Variants in CDA observed in about 807,000 individuals in gnomAD.
CDA encodes cytidine aminohydrolase.
A neutral mutation model predicts 15.0 loss-of-function variants in CDA; 7 were observed. The observed-to-expected ratio is 0.47, with a 90% CI of 0.26 to 0.87. The LOEUF is 0.87. CDA is among the 40% of genes least tolerant of loss of function. The pLI, the probability that CDA is intolerant of heterozygous loss-of-function variation, is 0.15. For synonymous variants in CDA, 58 were observed against 73.0 expected, an observed-to-expected ratio of 0.79 and a Z score of 1.05; for missense variants, 159 against 182.7, an observed-to-expected ratio of 0.87 and a Z score of 0.75.
intron 1 of CDA, among the ~76,000 whole-genome samples, chr1:20,589,838 C>T (rs564528185): frequency 2.0e-5 from 3 of 152,112 alleles, no homozygotes; most frequent in Non-Finnish European, 2.9e-5. Context: ...AGGGTGGTGA[C>T]GTGTTTGTCG....
intron 2 of CDA, among the ~76,000 whole-genome samples, chr1:20,608,961 G>A (rs1454367500): frequency 3.9e-5 from 6 of 152,180 alleles, no homozygotes; most frequent in Non-Finnish European, 7.3e-5. Flanking sequence ...TAGCACAGAG[G>A]CTGGCACACA....
At position 20,613,823 on chromosome 1, in the gene CDA, T is replaced by G; in HGVS notation, c.267-19T>G. On this transcript the variant is annotated intron_variant, in intron 2 of 3. Coordinates refer to ENST00000375071, the MANE Select transcript of CDA (RefSeq NM_001785.3). The stretch of plus-strand genomic sequence containing the variant: ...TCCTTGGGAGAGACTAATTTGAGTT[T>G]GATTCTTTGCTTCCCCAGTGACATG... The G allele has an allele frequency of 6.2e-7, 1 of 1,612,980 alleles. No individual in the cohort carries two copies. Among genetic ancestry groups the G allele is most frequent in the East Asian group, 2.2e-5 (1 of 44,882 alleles).
intron 1 of CDA, among the ~76,000 whole-genome samples, chr1:20,594,295 A>T (rs2052572818): frequency 6.6e-6 from 1 of 152,198 alleles, no homozygotes; most frequent in Non-Finnish European, 1.5e-5. Context: ...TGGGCCACCC[A>T]GGATGGTGAT....
At chr1:20,611,125 A>G (rs2052747057) in intron 2 of CDA, among the ~76,000 whole-genome samples, 1 of 152,182 alleles carries the variant, frequency 6.6e-6, no homozygotes, top group Admixed American at 6.5e-5. Context: ...CTGCAGTCCC[A>G]GCTACTCAGG....
chr1:20,603,101 G>A (rs1239712284), intron 1 of CDA, among the ~76,000 whole-genome samples: 5 of 152,188 alleles, frequency 3.3e-5, no homozygotes, highest in Non-Finnish European at 2.9e-5. Flanking sequence ...CAGACTAGGA[G>A]GAGTCACCAT....
Position 20,617,938 on chromosome 1 carries a change from C to G in CDA, c.325-514C>G, listed in dbSNP as rs181585556. Among the ~76,000 whole-genome samples the G allele has an allele frequency of 2.3e-4, 35 of 152,178 alleles. No individual in the cohort carries two copies. In the East Asian group the frequency reaches 5.4e-3, roughly 24 times the overall value. Reference sequence around the variant, plus strand: ...CTCGAACTCCTGACCTCAGGAGATCCGCCTGCCTCGGCCTCCCAAAAGTGC... The same window carrying G: ...CTCGAACTCCTGACCTCAGGAGATCGGCCTGCCTCGGCCTCCCAAAAGTGC... On this transcript the variant is annotated intron_variant, in intron 3 of 3. Transcript: ENST00000375071.
At chr1:20,616,758 CG>C (rs1222165827) in intron 3 of CDA, among the ~76,000 whole-genome samples, 1 of 152,170 alleles carries the variant, frequency 6.6e-6, no homozygotes, top group African/African-American at 2.4e-5. Flanking sequence ...GGACCTGACA[CG>C]TAAACTCGCC....
At chr1:20,603,312 CACA>C (rs1406002400) in intron 1 of CDA, among the ~76,000 whole-genome samples, 2 of 152,186 alleles carry the variant, frequency 1.3e-5, no homozygotes, top group Non-Finnish European at 2.9e-5. Context: ...TTTTCTCTCA[CACA>C]ACAATTCAGA....
intron 2 of CDA, among the ~76,000 whole-genome samples, chr1:20,605,716 T>C (rs1210964869): frequency 3.3e-5 from 4 of 120,248 alleles, no homozygotes; most frequent in African/African-American, 1.2e-4. Flanking sequence ...CCCAGCTATT[T>C]GGGAGGCTGA....
chr1:20,616,942 C>T (rs1246962222), intron 3 of CDA, among the ~76,000 whole-genome samples: 1 of 152,238 alleles, frequency 6.6e-6, no homozygotes, highest in Non-Finnish European at 1.5e-5. Flanking sequence ...TGAGCAGTCA[C>T]TGGCTACCAA....
intron 3 of CDA, among the ~76,000 whole-genome samples, chr1:20,616,028 GT>G (rs1016387041): frequency 1.3e-5 from 2 of 152,084 alleles, no homozygotes; most frequent in African/African-American, 4.8e-5. Context: ...ACAGCATCTT[GT>G]TTAATCCCCT....
In CDA at chr1:20,598,844, G is replaced by A. The variant is rs1338683162; in HGVS notation, c.155-6084G>A. On this transcript the variant is annotated intron_variant, in intron 1 of 3. Coordinates refer to ENST00000375071, the MANE Select transcript of CDA (RefSeq NM_001785.3). ...AGACACAAACATTCAATCCATAAGA[G>A]AAACTGAGAGCCCCATGACTTCACT... Among the ~76,000 whole-genome samples the A allele has an allele frequency of 2.0e-5, 3 of 152,130 alleles. No individual in the cohort carries two copies. In the East Asian group the frequency reaches 5.8e-4, roughly 29 times the overall value.
At chr1:20,589,417 C>G (rs1436257019) in intron 1 of CDA, 134 bp downstream of exon 1, 2 of 871,022 alleles carry the variant, frequency 2.3e-6, no homozygotes, top group Non-Finnish European at 3.6e-6. Flanking sequence ...CCAGTCTCCG[C>G]TGGAATGTTC....
chr1:20,618,809 C>T lies in CDA; in HGVS notation c.*241C>T. 1 of 511,504 alleles carries T rather than the reference C, an allele frequency of 2.0e-6. No individual in the cohort carries two copies. The highest frequency in any genetic ancestry group is 3.6e-6 in the Non-Finnish European group (1 of 278,358). 31.7% of individuals were successfully genotyped at this position (511,504 alleles called of 1,614,324 possible). On this transcript the variant is annotated 3_prime_UTR_variant, in exon 4 of 4. Transcript: ENST00000375071. ...TTCCTGTGGGCCCTCTTTCAAAGTCCAGCCTAGTCTGGACTGCTTCCCCAT... is the reference window on the plus strand; with the variant it reads ...TTCCTGTGGGCCCTCTTTCAAAGTCTAGCCTAGTCTGGACTGCTTCCCCAT...
intron 2 of CDA, among the ~76,000 whole-genome samples, chr1:20,605,765 A>G (rs1473132971): frequency 3.1e-4 from 38 of 122,236 alleles, no homozygotes; most frequent in African/African-American, 1.0e-3. Flanking sequence ...TCGAGGCTGG[A>G]ATGAGCCATG....
At chr1:20,617,093 T>C (rs1163825478) in intron 3 of CDA, among the ~76,000 whole-genome samples, 1 of 152,186 alleles carries the variant, frequency 6.6e-6, no homozygotes, top group Admixed American at 6.5e-5. Context: ...GCTCTTGTCA[T>C]GACACCGCTG....
intron 1 of CDA, among the ~76,000 whole-genome samples, chr1:20,600,850 T>C (rs960983065): frequency 7.2e-5 from 11 of 152,042 alleles, no homozygotes; most frequent in African/African-American, 2.7e-4. Flanking sequence ...CAAGAGGCAT[T>C]ATTCATTTAT....
chr1:20,604,654 T>TGC (rs1489027159), intron 1 of CDA, among the ~76,000 whole-genome samples: 1 of 152,150 alleles, frequency 6.6e-6, no homozygotes, highest in Non-Finnish European at 1.5e-5. Flanking sequence ...CTGCCTAATC[T>TGC]GCCTGTTGTG....
chr1:20,618,727 T>G lies in CDA; in HGVS notation c.*159T>G. On this transcript the variant is annotated 3_prime_UTR_variant, in exon 4 of 4. Transcript: ENST00000375071. ...CTCCAGCCTGAGTCAGCACCCCTCC[T>G]AGCAACCTGCCTTGGGACTTAGAAC... The G allele has an allele frequency of 1.5e-6, 1 of 652,376 alleles. No homozygotes were observed. Among genetic ancestry groups the G allele is most frequent in the East Asian group, 2.8e-5 (1 of 35,098 alleles). 40.4% of individuals were successfully genotyped at this position (652,376 alleles called of 1,614,324 possible).
Sources: allele counts gnomAD v4.1 joint callset (sites outside exome capture counted in the v4.1 genomes callset), GRCh38; gene constraint gnomAD v4.1.1; transcripts MANE v1.5; gene names NCBI Gene and HGNC (gene_info 2026-07-23, HGNC 2026-07-21).